NAALADL2: variants seen among roughly 807,000 people sequenced by gnomAD.
NAALADL2 encodes inactive N-acetylated-alpha-linked acidic dipeptidase-like protein 2.
NAALADL2 carries 76 observed loss-of-function variants against 87.2 expected under a neutral mutation model. That is an observed-to-expected ratio of 0.87 (90% confidence interval 0.72 to 1.05). The LOEUF (loss-of-function observed/expected upper bound fraction) is 1.05. Among genes scored for constraint, NAALADL2 ranks in the 50% least tolerant of loss-of-function variants. The pLI is 0.00. For synonymous variants in NAALADL2, 354 were observed against 331.0 expected (o/e 1.07, Z -0.75); for missense variants, 1,089 against 945.8 (o/e 1.15, Z -1.99).
At chr3:174,514,019 A>G (rs530295929) in intron 1 of NAALADL2, among the ~76,000 whole-genome samples, 110 of 152,214 alleles carry the variant, frequency 7.2e-4, no homozygotes, top group Non-Finnish European at 1.3e-3. Flanking sequence ...TTTATGATGC[A>G]AAGCAAATTA....
intron 2 of NAALADL2, among the ~76,000 whole-genome samples, chr3:174,606,016 A>G (rs574868378): frequency 1.3e-5 from 2 of 152,274 alleles, no homozygotes; most frequent in African/African-American, 4.8e-5. Context: ...GTTCATGAAA[A>G]TCTGCTGTTC....
At chr3:175,457,685 ATTTT>A (rs763515080) in intron 6 of NAALADL2, among the ~76,000 whole-genome samples, 1 of 131,470 alleles carries the variant, frequency 7.6e-6, no homozygotes, top group Non-Finnish European at 1.6e-5. Context: ...TGTCTGGCTA[ATTTT>A]TTTTTTTTTT....
At chr3:174,711,432 C>T (rs964644769) in intron 2 of NAALADL2, among the ~76,000 whole-genome samples, 12 of 152,306 alleles carry the variant, frequency 7.9e-5, no homozygotes, top group African/African-American at 2.4e-4. Flanking sequence ...AATTATGCTT[C>T]CCACTTACAC....
chr3:174,828,838 C>T (rs979000237), intron 3 of NAALADL2, among the ~76,000 whole-genome samples: 1 of 152,128 alleles, frequency 6.6e-6, no homozygotes, highest in Admixed American at 6.5e-5. Flanking sequence ...TGGGTCCAAT[C>T]AGTTAAACTG....
chr3:175,809,492 A>AG lies in NAALADL2; in HGVS notation c.*6290dup, dbSNP rs1754981924. The AG allele has an allele frequency of 1.4e-5, 2 of 142,068 alleles. No individual in the cohort carries two copies. The highest frequency in any genetic ancestry group is 7.6e-5 in the Admixed American group (1 of 13,194). The allele number at this position is 142,068 out of a possible 1,614,324, so 8.8% of individuals were successfully genotyped here. A position where few individuals can be genotyped will look rare whatever the true frequency, so the allele number is the denominator to read the frequency against. On this transcript the variant is annotated 3_prime_UTR_variant, in exon 14 of 14. Transcript: ENST00000454872. ...ATCCAGAAAATAGCCTGGGCAACAA[A>AG]GTGAGACCCTGTCTCTCTTAAAAAA... is the stretch of plus-strand genomic sequence containing the variant.
intron 3 of NAALADL2, among the ~76,000 whole-genome samples, chr3:174,810,698 A>G (rs544923357): frequency 6.6e-6 from 1 of 152,288 alleles, no homozygotes; most frequent in South Asian, 2.1e-4. Flanking sequence ...GGTAAAAAAG[A>G]AAAGCTCATT....
chr3:175,628,617 G>GTGTATATATATA (rs775957344), intron 11 of NAALADL2, among the ~76,000 whole-genome samples: 1 of 139,202 alleles, frequency 7.2e-6, no homozygotes, highest in African/African-American at 2.6e-5. Context: ...CTCTCTCTAT[G>GTGTATATATATA]TATATATATA....
chr3:175,102,179 A>G (rs1161383816), intron 2 of NAALADL2, among the ~76,000 whole-genome samples: 1 of 152,140 alleles, frequency 6.6e-6, no homozygotes, highest in Non-Finnish European at 1.5e-5. Flanking sequence ...TTATACAGGG[A>G]CCTTTAGGTT....
intron 1 of NAALADL2, among the ~76,000 whole-genome samples, chr3:174,521,229 G>T (rs900962373): frequency 6.6e-6 from 1 of 152,068 alleles, no homozygotes; most frequent in Non-Finnish European, 1.5e-5. Flanking sequence ...CACTATTCAC[G>T]ATAGCAAAGG....
chr3:175,684,953 A>G (rs964244988), intron 11 of NAALADL2, among the ~76,000 whole-genome samples: 113 of 152,226 alleles, frequency 7.4e-4, no homozygotes, highest in Admixed American at 7.4e-3. Flanking sequence ...TTTTTAATCA[A>G]ATGCACAGTG....
chr3:175,208,684 A>G (rs865832191), intron 2 of NAALADL2, among the ~76,000 whole-genome samples: 1 of 152,136 alleles, frequency 6.6e-6, no homozygotes, highest in Admixed American at 6.6e-5. Flanking sequence ...TTTTTCCACT[A>G]AGCATACACT....
intron 1 of NAALADL2, among the ~76,000 whole-genome samples, chr3:175,015,094 T>C (rs1750641588): frequency 6.6e-6 from 1 of 152,110 alleles, no homozygotes; most frequent in Non-Finnish European, 1.5e-5. Flanking sequence ...CATGGAAGCG[T>C]AGACATATAA....
intron 12 of NAALADL2, among the ~76,000 whole-genome samples, chr3:175,742,117 C>T (rs948673592): frequency 6.6e-6 from 1 of 152,102 alleles, no homozygotes; most frequent in Admixed American, 6.5e-5. Context: ...CAAGGGAAGC[C>T]ATCAGATATG....
At chr3:175,740,586 G>A (rs999741170) in intron 12 of NAALADL2, among the ~76,000 whole-genome samples, 1 of 152,166 alleles carries the variant, frequency 6.6e-6, no homozygotes, top group Non-Finnish European at 1.5e-5. Context: ...GAGAACAAAG[G>A]CATTTCTAAT....
intron 5 of NAALADL2, among the ~76,000 whole-genome samples, chr3:175,346,558 CT>C (rs1157104378): frequency 6.6e-6 from 1 of 152,006 alleles, no homozygotes; most frequent in Non-Finnish European, 1.5e-5. Context: ...GTTAATTAAC[CT>C]TTCTAGTGGG....
chr3:175,404,528 G>C (rs1711950176), intron 5 of NAALADL2, among the ~76,000 whole-genome samples: 1 of 152,114 alleles, frequency 6.6e-6, no homozygotes, highest in Non-Finnish European at 1.5e-5. Flanking sequence ...GCAATGTAGA[G>C]AGTCAGAGAA....
At chr3:174,522,933 CAAAAAAAAAAA>C (rs57653560) in intron 1 of NAALADL2, among the ~76,000 whole-genome samples, 2 of 75,838 alleles carry the variant, frequency 2.6e-5, no homozygotes, top group Non-Finnish European at 4.9e-5. Flanking sequence ...GACTCTGTCT[CAAAAAAAAAAA>C]AAAAAAAAAA....
At chr3:175,153,809 G>A (rs760879324) in intron 2 of NAALADL2, among the ~76,000 whole-genome samples, 2 of 152,122 alleles carry the variant, frequency 1.3e-5, no homozygotes, top group Non-Finnish European at 2.9e-5. Flanking sequence ...CTTAGGCCTT[G>A]GAAGCTTTTT....
At chr3:174,607,010 C>T (rs1277785438) in intron 2 of NAALADL2, among the ~76,000 whole-genome samples, 4 of 152,246 alleles carry the variant, frequency 2.6e-5, no homozygotes, top group African/African-American at 4.8e-5. Flanking sequence ...GGGGCCAATA[C>T]TCAACATTCT....
Sources: allele counts gnomAD v4.1 joint callset (sites outside exome capture counted in the v4.1 genomes callset), GRCh38; gene constraint gnomAD v4.1.1; transcripts MANE v1.5; gene names NCBI Gene and HGNC (gene_info 2026-07-23, HGNC 2026-07-21).